Variants in EPB41L5 observed in about 807,000 individuals in gnomAD.
EPB41L5 encodes the protein band 4.1-like protein 5.
In EPB41L5, 55 loss-of-function variants were observed where a neutral mutation model predicts 106.6. The observed-to-expected ratio is 0.52, with a 90% CI of 0.42 to 0.65. The LOEUF is 0.65. Ranked by LOEUF, EPB41L5 falls within the 30% of genes least tolerant of loss-of-function variation. The pLI is 0.00. For missense variants in EPB41L5, 871 were observed against 882.1 expected (o/e 0.99, Z 0.16); for synonymous variants, 297 against 306.7 (o/e 0.97, Z 0.33).
In EPB41L5 at chr2:120,131,685, A is replaced by G. The variant is rs1685699863; in HGVS notation, c.1569A>G (p.Arg523=). Reference sequence around the variant, plus strand: ...AGAACAGTCCTTTGCTGTCCCCTCGATCCAACATCGATGTTAACATAAACA... The same window carrying G: ...AGAACAGTCCTTTGCTGTCCCCTCGGTCCAACATCGATGTTAACATAAACA... ...EMENSPLLSP[R]SNIDVNINSQ... The change falls in exon 18 of 25, where the codon CGA becomes CGG. Residue 523 remains arginine (R), a synonymous_variant. Coordinates refer to ENST00000263713, the MANE Select transcript of EPB41L5 (RefSeq NM_020909.4). 1.2e-6 allele frequency: 2 copies of G among 1,613,742 alleles called. No homozygotes were observed. Among genetic ancestry groups the G allele is most frequent in the East Asian group, 2.2e-5 (1 of 44,856 alleles).
intron 14 of EPB41L5, among the ~76,000 whole-genome samples, chr2:120,098,670 G>A (rs1040002626): frequency 3.7e-4 from 57 of 152,188 alleles, no homozygotes; most frequent in Non-Finnish European, 6.6e-4. Flanking sequence ...TTTGAACCCA[G>A]ACAGTGATAG....
chr2:120,174,897 C>A lies in EPB41L5; in HGVS notation c.2192C>A (p.Thr731Asn), dbSNP rs769014955. ...AVLKQKCLLT[T>N]EL is the part of the protein sequence containing the mutation. ...CTGAAGCAGAAGTGTTTACTGACCACTGAGCTCTGAGGGCCTGTAGCTGGA... is the reference window on the plus strand; with the variant it reads ...CTGAAGCAGAAGTGTTTACTGACCAATGAGCTCTGAGGGCCTGTAGCTGGA... The change falls in exon 25 of 25, where the codon ACT becomes AAT. Residue 731 changes from threonine (T) to asparagine (N), a missense_variant. By Grantham distance (65) the Thr-to-Asn change is moderately conservative. Transcript: ENST00000263713. 6.2e-7 allele frequency: 1 copy of A among 1,614,124 alleles called. No individual in the cohort carries two copies.
intron 10 of EPB41L5, among the ~76,000 whole-genome samples, chr2:120,078,965 T>C (rs1682443084): frequency 6.6e-6 from 1 of 152,172 alleles, no homozygotes. Context: ...TTTTTATCCC[T>C]TCTCTAAGCT....
chr2:120,037,616 A>G (rs185514934), intron 2 of EPB41L5, among the ~76,000 whole-genome samples: 12 of 152,256 alleles, frequency 7.9e-5, no homozygotes, highest in Admixed American at 6.5e-4. Context: ...CAGGAGTTCA[A>G]GACCAGGCTG....
intron 20 of EPB41L5, among the ~76,000 whole-genome samples, chr2:120,158,025 A>T (rs1686975039): frequency 6.6e-6 from 1 of 152,288 alleles, no homozygotes; most frequent in South Asian, 2.1e-4. Context: ...TCCTGGACAC[A>T]CACACTCTCC....
At chr2:120,142,966 A>T (rs368082337) in intron 18 of EPB41L5, 37 bp from the exon 19 acceptor site, 1 of 1,573,212 alleles carries the variant, frequency 6.4e-7, no homozygotes, top group South Asian at 1.1e-5. Flanking sequence ...ACTATAGTGC[A>T]TCAGAGTTGA....
At chr2:120,089,351 A>G (rs1460756474) in intron 11 of EPB41L5, among the ~76,000 whole-genome samples, 6 of 152,072 alleles carry the variant, frequency 3.9e-5, no homozygotes, top group African/African-American at 1.2e-4. Flanking sequence ...TTCTTCTGGT[A>G]CCTGGTCACC....
chr2:120,023,791 A>T (rs182237329), intron 2 of EPB41L5, among the ~76,000 whole-genome samples: 121 of 152,248 alleles, frequency 7.9e-4, no homozygotes, highest in African/African-American at 2.9e-3. Flanking sequence ...CATTTTCATG[A>T]TATTGATTCT....
chr2:120,167,312 G>T (rs552372167), intron 22 of EPB41L5, among the ~76,000 whole-genome samples, 154 bp from the exon 23 acceptor site: 157 of 152,324 alleles, frequency 1.0e-3, no homozygotes, highest in African/African-American at 3.6e-3. Context: ...AAGGGTCTTG[G>T]ATTTAGAAGT....
rs869296989 is a variant in EPB41L5 at position 120,123,646 on chromosome 2, CT to C, written c.1338-4014del. ...GAATGGGGATGGGGAGTGTTCGTCC[CT>C]TTTTTTTTTTTTTTTTTTTTTTTTT... On this transcript the variant is annotated intron_variant, in intron 16 of 24. Coordinates refer to ENST00000263713, the MANE Select transcript of EPB41L5 (RefSeq NM_020909.4). 6.4e-3 allele frequency among the ~76,000 whole-genome samples: 439 copies of C among 68,316 alleles called. 2 individuals are homozygous for C. Among genetic ancestry groups the C allele is most frequent in the African/African-American group, 0.016 (305 of 18,524 alleles). 44.8% of individuals were successfully genotyped at this position (68,316 alleles called of 152,430 possible). A position where few individuals can be genotyped will look rare whatever the true frequency, so the allele number is the denominator to read the frequency against.
At position 120,076,318 on chromosome 2, in the gene EPB41L5, G is replaced by GT. The variant is rs538987459; in HGVS notation, c.505+574dup. 6.9e-4 allele frequency among the ~76,000 whole-genome samples: 103 copies of GT among 149,214 alleles called. 1 individual carries two copies. Among genetic ancestry groups the GT allele is most frequent in the Middle Eastern group, 3.4e-3 (1 of 290 alleles). ...GTATATCAGTATATTCTTTTGTTTT[G>GT]TTTTTTTTTGAGACAGGGTCTCACT... On this transcript the variant is annotated intron_variant, in intron 7 of 24. Transcript: ENST00000263713.
At chr2:120,068,093 T>G (rs182676838) in intron 3 of EPB41L5, among the ~76,000 whole-genome samples, 394 of 152,222 alleles carry the variant, frequency 2.6e-3, no homozygotes, top group Middle Eastern at 6.8e-3. Flanking sequence ...CTCATCTCAT[T>G]GGGGCTGGTT....
At chr2:120,129,250 C>T (rs1027155256) in intron 17 of EPB41L5, among the ~76,000 whole-genome samples, 1 of 151,496 alleles carries the variant, frequency 6.6e-6, no homozygotes, top group African/African-American at 2.4e-5. Context: ...ACATGAGAAT[C>T]GCTTGAACCT....
At chr2:120,163,214 C>T (rs537020200) in intron 21 of EPB41L5, among the ~76,000 whole-genome samples, 1 of 151,246 alleles carries the variant, frequency 6.6e-6, no homozygotes, top group African/African-American at 2.4e-5. Context: ...ATGATTGTAC[C>T]ATTACACTCC....
At chr2:120,074,301 C>G (rs1430862415) in intron 5 of EPB41L5, 123 bp downstream of exon 5, 4 of 633,758 alleles carry the variant, frequency 6.3e-6, no homozygotes, top group Non-Finnish European at 1.1e-5. Flanking sequence ...AACAAGACCT[C>G]AAATAATAGA....
At chr2:120,125,064 A>C (rs1419034224) in intron 16 of EPB41L5, among the ~76,000 whole-genome samples, 2 of 152,190 alleles carry the variant, frequency 1.3e-5, no homozygotes, top group Non-Finnish European at 2.9e-5. Flanking sequence ...ATCCATTATT[A>C]ACTTGATATT....
intron 2 of EPB41L5, among the ~76,000 whole-genome samples, chr2:120,025,435 A>G (rs913579007): frequency 1.3e-5 from 2 of 151,660 alleles, no homozygotes; most frequent in Admixed American, 6.6e-5. Context: ...TTTTGAGCCT[A>G]TGTGTGTCTT....
intron 24 of EPB41L5, among the ~76,000 whole-genome samples, chr2:120,168,369 G>T (rs1558918996): frequency 6.6e-6 from 1 of 152,192 alleles, no homozygotes; most frequent in Non-Finnish European, 1.5e-5. Context: ...AGGTGAAGAG[G>T]TGCAGTATAA....
chr2:120,076,908 A>G, intron 7 of EPB41L5, 63 bp from the exon 8 acceptor site: 1 of 1,421,556 alleles, frequency 7.0e-7, no homozygotes, highest in South Asian at 1.5e-5. Flanking sequence ...GTTTTCATTA[A>G]TGAAATGGTT....
Sources: allele counts gnomAD v4.1 joint callset (sites outside exome capture counted in the v4.1 genomes callset), GRCh38; gene constraint gnomAD v4.1.1; transcripts MANE v1.5; gene names NCBI Gene and HGNC (gene_info 2026-07-23, HGNC 2026-07-21).